HERPUD2: variants seen among roughly 807,000 people sequenced by gnomAD.
HERPUD2 encodes the protein HERPUD family member 2, also known as homocysteine-responsive endoplasmic reticulum-resident ubiquitin-like domain member 2 protein.
Under a neutral mutation model 49.9 loss-of-function variants are expected in HERPUD2, and 13 were observed. The observed-to-expected ratio is 0.26, with a 90% CI of 0.17 to 0.41. The LOEUF is 0.41. HERPUD2 is among the 10% of genes least tolerant of loss of function. The pLI, the probability that HERPUD2 is intolerant of heterozygous loss-of-function variation, is 1.00. For missense variants in HERPUD2, 449 were observed against 492.2 expected (o/e 0.91, Z 0.83); for synonymous variants, 172 against 171.4 (o/e 1.00, Z -0.03).
chr7:35,650,601 G>T (rs1267870728), intron 5 of HERPUD2, among the ~76,000 whole-genome samples: 1 of 152,136 alleles, frequency 6.6e-6, no homozygotes, highest in African/African-American at 2.4e-5. Context: ...GATCCCCTGT[G>T]CATGAGGGAT....
At chr7:35,659,974 A>G (rs1471737016) in intron 5 of HERPUD2, among the ~76,000 whole-genome samples, 2 of 151,848 alleles carry the variant, frequency 1.3e-5, no homozygotes, top group African/African-American at 4.8e-5. Context: ...GGTCTGCTGC[A>G]CCCATTAACT....
chr7:35,675,292 A>C (rs1360687884), intron 2 of HERPUD2, among the ~76,000 whole-genome samples: 1 of 152,234 alleles, frequency 6.6e-6, no homozygotes, highest in South Asian at 2.1e-4. Context: ...AGAGCATAGT[A>C]GGAGAAACTC....
intron 5 of HERPUD2, among the ~76,000 whole-genome samples, chr7:35,657,807 T>A (rs1357926466): frequency 1.3e-5 from 2 of 148,270 alleles, no homozygotes; most frequent in African/African-American, 5.0e-5. Context: ...TAGTCCCTGC[T>A]ACTAGGGAGG....
At chr7:35,657,961 C>G in intron 5 of HERPUD2, among the ~76,000 whole-genome samples, 1 of 151,818 alleles carries the variant, frequency 6.6e-6, no homozygotes, top group Non-Finnish European at 1.5e-5. Context: ...ATAAAACTAC[C>G]CTATGATCCA....
intron 2 of HERPUD2, among the ~76,000 whole-genome samples, chr7:35,685,903 G>C (rs1786030636): frequency 6.6e-6 from 1 of 151,966 alleles, no homozygotes; most frequent in Non-Finnish European, 1.5e-5. Flanking sequence ...GGAGGTTGCG[G>C]TGAGCCAGGG....
At chr7:35,685,021 G>A (rs550500369) in intron 2 of HERPUD2, among the ~76,000 whole-genome samples, 8 of 152,052 alleles carry the variant, frequency 5.3e-5, no homozygotes, top group East Asian at 1.9e-4. Context: ...CAGATGAATC[G>A]CTAGAGCCCA....
intron 5 of HERPUD2, among the ~76,000 whole-genome samples, chr7:35,650,591 G>C (rs781164818): frequency 6.6e-6 from 1 of 152,164 alleles, no homozygotes; most frequent in Non-Finnish European, 1.5e-5. Context: ...GCTTCACTGA[G>C]ATCCCCTGTG....
intron 2 of HERPUD2, among the ~76,000 whole-genome samples, chr7:35,691,029 C>T (rs1484668748): frequency 6.6e-6 from 1 of 152,182 alleles, no homozygotes; most frequent in African/African-American, 2.4e-5. Flanking sequence ...TAGTCACATA[C>T]TATTACGCTT....
At chr7:35,679,659 C>T (rs1413420776) in intron 2 of HERPUD2, among the ~76,000 whole-genome samples, 1 of 152,190 alleles carries the variant, frequency 6.6e-6, no homozygotes, top group Admixed American at 6.5e-5. Flanking sequence ...CAATTCTAAA[C>T]ATTAGGGTTC....
At chr7:35,677,497 T>G (rs1785788928) in intron 2 of HERPUD2, among the ~76,000 whole-genome samples, 1 of 152,168 alleles carries the variant, frequency 6.6e-6, no homozygotes, top group African/African-American at 2.4e-5. Context: ...ATAAAGGTAA[T>G]CTTGATGGTG....
intron 5 of HERPUD2, among the ~76,000 whole-genome samples, chr7:35,648,990 G>A (rs1021994994): frequency 1.3e-5 from 2 of 152,124 alleles, no homozygotes; most frequent in African/African-American, 4.8e-5. Flanking sequence ...AGTGGCTCAC[G>A]CCTGTAATCC....
intron 5 of HERPUD2, among the ~76,000 whole-genome samples, chr7:35,645,230 A>T (rs1471850386): frequency 6.6e-6 from 1 of 152,220 alleles, no homozygotes; most frequent in African/African-American, 2.4e-5. Flanking sequence ...TTTAACCTAA[A>T]TATCCATCAG....
At position 35,635,420 on chromosome 7, in the gene HERPUD2, T is replaced by C; in HGVS notation, c.656A>G (p.Asn219Ser). ...AVSAQATSNV[N>S]PTQPTTSQPL... Reference sequence around the variant, plus strand: ...CTGTGAAGTAGTAGGCTGGGTTGGGTTGACATTTGATGTGGCCTGAGCTGA... The same window carrying C: ...CTGTGAAGTAGTAGGCTGGGTTGGGCTGACATTTGATGTGGCCTGAGCTGA... The change falls in exon 7 of 9, where the codon AAC becomes AGC. Residue 219 changes from asparagine to serine, a missense_variant. Coordinates refer to ENST00000311350, the MANE Select transcript of HERPUD2 (RefSeq NM_022373.5). The C allele has an allele frequency of 6.2e-7, 1 of 1,614,090 alleles. No individual in the cohort carries two copies. Among genetic ancestry groups the C allele is most frequent in the Non-Finnish European group, 8.5e-7 (1 of 1,179,998 alleles).
chr7:35,687,649 A>G (rs1009933103), intron 2 of HERPUD2, among the ~76,000 whole-genome samples: 1 of 152,254 alleles, frequency 6.6e-6, no homozygotes, highest in Admixed American at 6.5e-5. Flanking sequence ...ACAGGTTAAA[A>G]TAAGTCCTAA....
At chr7:35,689,056 C>G (rs1786127929) in intron 2 of HERPUD2, among the ~76,000 whole-genome samples, 1 of 152,106 alleles carries the variant, frequency 6.6e-6, no homozygotes, top group Non-Finnish European at 1.5e-5. Flanking sequence ...TAAAAGCATT[C>G]TAGACAATCA....
intron 2 of HERPUD2, among the ~76,000 whole-genome samples, chr7:35,673,584 C>T (rs1448046038): frequency 6.6e-6 from 1 of 152,038 alleles, no homozygotes; most frequent in Non-Finnish European, 1.5e-5. Flanking sequence ...TAATGCAATG[C>T]ATATATGACT....
At position 35,675,403 on chromosome 7, in the gene HERPUD2, A is replaced by G. The variant is rs80175310; in HGVS notation, c.148-2125T>C. 3.9e-3 allele frequency among the ~76,000 whole-genome samples: 590 copies of G among 152,336 alleles called. 5 individuals are homozygous for G. Among genetic ancestry groups the G allele is most frequent in the African/African-American group, 0.013 (557 of 41,580 alleles). ...ATCAATGATTTAATTCCTGCCCAAA[A>G]TGAATTATCCAATGCTTTATAAATC... On this transcript the variant is annotated intron_variant, in intron 2 of 8. Coordinates refer to ENST00000311350, the MANE Select transcript of HERPUD2 (RefSeq NM_022373.5).
intron 2 of HERPUD2, among the ~76,000 whole-genome samples, chr7:35,674,404 TAGAGAGAGAGAGAG>T (rs3999932): frequency 0.045 from 1,701 of 37,670 alleles, 123 homozygotes; most frequent in Middle Eastern, 0.12. Flanking sequence ...TATATATATA[TAGAGAGAGAGAGAG>T]AGAGAGAGAG....
At chr7:35,667,350 G>A (rs1052490894) in intron 5 of HERPUD2, 84 bp downstream of exon 5, 4 of 1,191,538 alleles carry the variant, frequency 3.4e-6, no homozygotes, top group African/African-American at 3.0e-5. Flanking sequence ...TTTAATTACT[G>A]CAAAGAGGCT....
Sources: allele counts gnomAD v4.1 joint callset (sites outside exome capture counted in the v4.1 genomes callset), GRCh38; gene constraint gnomAD v4.1.1; transcripts MANE v1.5; gene names NCBI Gene and HGNC (gene_info 2026-07-23, HGNC 2026-07-21).